The following DSCAML1 variants were observed in gnomAD, a reference collection of about 807,000 sequenced individuals.
The protein encoded by DSCAML1 is cell adhesion molecule DSCAML1.
A neutral mutation model predicts 200.5 loss-of-function variants in DSCAML1; 38 were observed. That is an observed-to-expected ratio of 0.19 (90% CI 0.15 to 0.25). DSCAML1 has a LOEUF of 0.25. DSCAML1 is among the 10% of genes least tolerant of loss of function. The probability of loss-of-function intolerance (pLI) is 1.00; values close to 1 mark genes in which losing one functional copy is unlikely to be tolerated. For missense variants in DSCAML1, 2,223 were observed against 2,858.8 expected, an observed-to-expected ratio of 0.78 and a Z score of 5.07; for synonymous variants, 1,215 against 1,165.0, an observed-to-expected ratio of 1.04 and a Z score of -0.87.
chr11:117,717,680 C>G (rs151252974), intron 3 of DSCAML1, among the ~76,000 whole-genome samples: 1 of 152,312 alleles, frequency 6.6e-6, no homozygotes, highest in African/African-American at 2.4e-5. Context: ...CTGTAAGCTT[C>G]TGGTAGGTAG....
intron 3 of DSCAML1, among the ~76,000 whole-genome samples, chr11:117,727,137 G>C (rs372207210): frequency 6.6e-6 from 1 of 152,156 alleles, no homozygotes; most frequent in Non-Finnish European, 1.5e-5. Flanking sequence ...GAAGGATGGA[G>C]GTAGGGAGAG....
Position 117,480,564 on chromosome 11 carries a change from G to A in DSCAML1, c.2664C>T (p.Pro888=), listed in dbSNP as rs768622272. The A allele has an allele frequency of 1.5e-4, 241 of 1,561,402 alleles. No individual in the cohort carries two copies. The highest frequency in any genetic ancestry group is 2.0e-4 in the Non-Finnish European group (233 of 1,152,308). The change falls in exon 14 of 33, where the codon CCC becomes CCT. Residue 888 remains proline, a synonymous_variant. Coordinates refer to ENST00000651296, the MANE Select transcript of DSCAML1 (RefSeq NM_020693.4). This position sits in a 1 kb window ranked among gnomAD's most constrained non-coding sequence, Gnocchi z 4.1. ...GLIQLTVQEP[P]DPPELEIREV... Reference sequence around the variant, plus strand: ...CCCGGATCTCCAGCTCTGGGGGGTCGGGGGGCTCTAGGGTGCGGCAGTGGA... The same window carrying A: ...CCCGGATCTCCAGCTCTGGGGGGTCAGGGGGCTCTAGGGTGCGGCAGTGGA...
At chr11:117,816,880 T>C (rs548668105) in intron 1 of DSCAML1, among the ~76,000 whole-genome samples, 3 of 152,034 alleles carry the variant, frequency 2.0e-5, no homozygotes, top group South Asian at 2.1e-4. Context: ...ACCCTCACCC[T>C]GGACAGGAGA....
intron 1 of DSCAML1, among the ~76,000 whole-genome samples, chr11:117,781,314 G>GA (rs1000359523): frequency 6.7e-6 from 1 of 149,638 alleles, no homozygotes; most frequent in Non-Finnish European, 1.5e-5. Flanking sequence ...AAGAAAGAAA[G>GA]AAAAAAAGAA....
intron 11 of DSCAML1, among the ~76,000 whole-genome samples, chr11:117,487,218 C>T (rs1455651965): frequency 6.6e-6 from 1 of 152,160 alleles, no homozygotes; most frequent in South Asian, 2.1e-4. Flanking sequence ...AGCCACTGCA[C>T]CTGGCTGTCA....
intron 11 of DSCAML1, among the ~76,000 whole-genome samples, chr11:117,495,414 TCTG>T (rs2049272313): frequency 6.6e-6 from 1 of 152,124 alleles, no homozygotes; most frequent in South Asian, 2.1e-4. Flanking sequence ...GTCTAGAGTC[TCTG>T]TGGACTTGAG....
chr11:117,665,710 C>T (rs917483846), intron 3 of DSCAML1, among the ~76,000 whole-genome samples: 16 of 152,170 alleles, frequency 1.1e-4, no homozygotes, highest in African/African-American at 3.9e-4. Flanking sequence ...AACTGGGATT[C>T]ACACCAGGCA....
intron 18 of DSCAML1, among the ~76,000 whole-genome samples, chr11:117,460,811 C>G (rs1362526742): frequency 6.6e-6 from 1 of 152,180 alleles, no homozygotes; most frequent in Non-Finnish European, 1.5e-5. Flanking sequence ...GGCGGCTTGT[C>G]TGCACAGAAA....
chr11:117,696,757 C>T (rs771171180), intron 3 of DSCAML1, among the ~76,000 whole-genome samples: 5 of 152,190 alleles, frequency 3.3e-5, no homozygotes, highest in Non-Finnish European at 5.9e-5. Flanking sequence ...TCTGGCTTCA[C>T]ATGGGGGCTG....
intron 3 of DSCAML1, among the ~76,000 whole-genome samples, chr11:117,711,185 C>G (rs1176224669): frequency 6.6e-6 from 1 of 152,162 alleles, no homozygotes; most frequent in Admixed American, 6.5e-5. Flanking sequence ...CCTCATGGGG[C>G]AGGCTGAGCT....
chr11:117,601,220 G>C (rs2051460391), intron 3 of DSCAML1, among the ~76,000 whole-genome samples: 1 of 145,834 alleles, frequency 6.9e-6, no homozygotes, highest in Non-Finnish European at 1.5e-5. Context: ...TACCACGCCT[G>C]TGTTGAGCTG....
In DSCAML1 at chr11:117,521,401, G is replaced by C. The variant is rs2049884829; in HGVS notation, c.942C>G (p.Pro314=). ...TCTTTGGTGTCAGGGTCACATGAAG[G>C]GGATCTGGGCCGGGCCAGGGAGACG... The part of the protein sequence containing the change: ...EATGILMVID[P]LHVTLTPKKL... Residue 314 remains proline (P), a synonymous_variant, in exon 6 of 33, where the codon CCC becomes CCG. Coordinates refer to ENST00000651296, the MANE Select transcript of DSCAML1 (RefSeq NM_020693.4). The C allele has an allele frequency of 6.2e-7, 1 of 1,612,598 alleles. No homozygotes were observed. The highest frequency in any genetic ancestry group is 8.5e-7 in the Non-Finnish European group (1 of 1,178,942).
At chr11:117,675,114 C>A in intron 3 of DSCAML1, among the ~76,000 whole-genome samples, 1 of 152,166 alleles carries the variant, frequency 6.6e-6, no homozygotes, top group East Asian at 1.9e-4. Context: ...GTAATAGCAA[C>A]TCCTCCACAA....
At chr11:117,585,327 G>A (rs2051119443) in intron 3 of DSCAML1, among the ~76,000 whole-genome samples, 1 of 151,866 alleles carries the variant, frequency 6.6e-6, no homozygotes, top group South Asian at 2.1e-4. Context: ...TCAGCTCACT[G>A]CAACCCCAGC....
chr11:117,637,362 TTG>T (rs2052311775), intron 3 of DSCAML1, among the ~76,000 whole-genome samples: 1 of 151,538 alleles, frequency 6.6e-6, no homozygotes. Flanking sequence ...TTTTTTTTTT[TTG>T]AGACGGAGTC....
chr11:117,458,978 G>T, intron 18 of DSCAML1, 69 bp from the exon 19 acceptor site: 1 of 1,568,504 alleles, frequency 6.4e-7, no homozygotes, highest in African/African-American at 1.3e-5. Flanking sequence ...TACCCCTGCT[G>T]CCTGGGCTCT....
chr11:117,428,172 G>GT lies in DSCAML1; in HGVS notation c.*155dup. The GT allele has an allele frequency of 3.4e-6, 2 of 581,202 alleles. No individual in the cohort carries two copies. Among genetic ancestry groups the GT allele is most frequent in the East Asian group, 6.3e-5 (2 of 31,910 alleles). 36.0% of individuals were successfully genotyped at this position (581,202 alleles called of 1,614,324 possible). A position where few individuals can be genotyped will look rare whatever the true frequency, so the allele number is the denominator to read the frequency against. On this transcript the variant is annotated 3_prime_UTR_variant, in exon 33 of 33. Transcript: ENST00000651296. ...AAAATAGTTTCATTTGTACAAAAGA[G>GT]TTCTATGTACAGGCGTTCATGATTG...
At chr11:117,484,578 G>A (rs746892112) in intron 11 of DSCAML1, among the ~76,000 whole-genome samples, 6 of 152,218 alleles carry the variant, frequency 3.9e-5, no homozygotes, top group Admixed American at 3.9e-4. Flanking sequence ...AGAGACATCC[G>A]AGTATGAATT....
At chr11:117,671,844 G>C (rs1201430130) in intron 3 of DSCAML1, among the ~76,000 whole-genome samples, 2 of 152,074 alleles carry the variant, frequency 1.3e-5, no homozygotes, top group African/African-American at 4.8e-5. Context: ...CGGCGCGGTG[G>C]CTCACGCCTG....
Sources: gnomAD v4.1 joint callset for allele counts (sites outside exome capture counted in the v4.1 genomes callset) on GRCh38, gnomAD v4.1.1 for gene constraint, Gnocchi (gnomAD v3.1) non-coding constraint, MANE v1.5 for transcripts, NCBI Gene and HGNC (gene_info 2026-07-23, HGNC 2026-07-21) for gene names.